The following SMOC1 variants were observed in gnomAD, a reference collection of about 807,000 sequenced individuals.
The protein encoded by SMOC1 is SPARC related modular calcium binding 1, also known as SPARC-related modular calcium-binding protein 1.
Under a neutral mutation model 56.3 loss-of-function variants are expected in SMOC1, and 22 were observed. That is an observed-to-expected ratio of 0.39 (90% confidence interval 0.28 to 0.56). The LOEUF is 0.56. Among genes scored for constraint, SMOC1 ranks in the 20% least tolerant of loss-of-function variants. The pLI is 0.61. For missense variants in SMOC1, 509 were observed against 565.4 expected (o/e 0.90, Z 1.01); for synonymous variants, 193 against 215.0 (o/e 0.90, Z 0.89).
chr14:70,006,481 AAG>A (rs1885151802), intron 7 of SMOC1, among the ~76,000 whole-genome samples: 1 of 152,108 alleles, frequency 6.6e-6, no homozygotes. Flanking sequence ...ACCTCTAGAG[AAG>A]CCCTTCAAGA....
intron 7 of SMOC1, among the ~76,000 whole-genome samples, chr14:70,008,080 C>A (rs965503865): frequency 3.3e-5 from 5 of 151,800 alleles, no homozygotes; most frequent in African/African-American, 1.2e-4. Context: ...CTTTTGCTAT[C>A]CCCCATTTTT....
At chr14:69,895,985 C>T (rs1209834647) in intron 1 of SMOC1, among the ~76,000 whole-genome samples, 2 of 151,540 alleles carry the variant, frequency 1.3e-5, no homozygotes, top group South Asian at 2.1e-4. Context: ...GTAGCTTGAA[C>T]TAAGATGTGC....
chr14:69,880,028 T>C lies in SMOC1; in HGVS notation c.99+251T>C, dbSNP rs568221146. Among the ~76,000 whole-genome samples the C allele has an allele frequency of 3.9e-4, 60 of 152,242 alleles. 4 individuals are homozygous for C. In the South Asian group the frequency reaches 0.012, roughly 32 times the overall value. On this transcript the variant is annotated intron_variant, in intron 1 of 11. Coordinates refer to ENST00000361956, the MANE Select transcript of SMOC1 (RefSeq NM_001034852.3). The stretch of plus-strand genomic sequence containing the variant: ...CGAACTGTCACTGGTGGGTTTTCTT[T>C]CCCAATCTCTTCTCTCCTGCATTTT...
rs1883072424 is a variant in SMOC1 at position 69,953,332 on chromosome 14, A to T, written c.266-88A>T. ...GTTAGTTGTGTGTGGGCTCCCGCACAGGTGGAGTGGTTTTCTCAGCCATTT... is the reference window on the plus strand; with the variant it reads ...GTTAGTTGTGTGTGGGCTCCCGCACTGGTGGAGTGGTTTTCTCAGCCATTT... On this transcript the variant is annotated intron_variant, in intron 2 of 11. Transcript: ENST00000361956. 2.5e-6 allele frequency: 3 copies of T among 1,222,948 alleles called. No individual in the cohort carries two copies. In the East Asian group the frequency reaches 7.0e-5, roughly 28 times the overall value. The allele number at this position is 1,222,948 out of a possible 1,614,324, so 75.8% of individuals were successfully genotyped here.
chr14:70,030,568 G>A lies in SMOC1; in HGVS notation c.*310G>A, dbSNP rs1489574533. On this transcript the variant is annotated 3_prime_UTR_variant, in exon 12 of 12. Coordinates refer to ENST00000361956, the MANE Select transcript of SMOC1 (RefSeq NM_001034852.3). ...GGGGGGGTGGGGGAGGGTGTTGTTG[G>A]GGCTGAGAAGAAAGAGATTTATATG... 2 of 422,900 alleles carry A rather than the reference G, an allele frequency of 4.7e-6. No homozygotes were observed. Among genetic ancestry groups the A allele is most frequent in the Non-Finnish European group, 8.3e-6 (2 of 240,832 alleles). The allele number at this position is 422,900 out of a possible 1,614,324, so 26.2% of individuals were successfully genotyped here.
chr14:69,911,187 A>G (rs1884547155), intron 1 of SMOC1, among the ~76,000 whole-genome samples: 1 of 152,140 alleles, frequency 6.6e-6, no homozygotes, highest in Non-Finnish European at 1.5e-5. Context: ...ATTTGGATGG[A>G]GAATCCTCTC....
intron 5 of SMOC1, among the ~76,000 whole-genome samples, chr14:69,990,772 C>T (rs1049294627): frequency 6.6e-6 from 1 of 152,224 alleles, no homozygotes; most frequent in Non-Finnish European, 1.5e-5. Flanking sequence ...AGATACTCTT[C>T]TCTTCCTGCT....
chr14:69,962,844 T>C (rs1282642561), intron 3 of SMOC1, among the ~76,000 whole-genome samples: 1 of 152,222 alleles, frequency 6.6e-6, no homozygotes, highest in African/African-American at 2.4e-5. Flanking sequence ...CCGAAAGTGC[T>C]GGGATTACAG....
intron 3 of SMOC1, among the ~76,000 whole-genome samples, chr14:69,954,115 A>G (rs1883105092): frequency 6.6e-6 from 1 of 152,112 alleles, no homozygotes; most frequent in Non-Finnish European, 1.5e-5. Flanking sequence ...TGGTTAGTGC[A>G]TTGTCAAAGT....
chr14:69,892,668 C>G lies in SMOC1; in HGVS notation c.99+12891C>G, dbSNP rs146479684. Among the ~76,000 whole-genome samples the G allele has an allele frequency of 1.5e-3, 222 of 152,282 alleles. 1 individual carries two copies. The highest frequency in any genetic ancestry group is 2.7e-3 in the Non-Finnish European group (182 of 68,022). Reference sequence around the variant, plus strand: ...CTACCAGTCTCCCTATTCCCTTGCTCAGATTATTTTGAAGCAAACATCTCC... The same window carrying G: ...CTACCAGTCTCCCTATTCCCTTGCTGAGATTATTTTGAAGCAAACATCTCC... On this transcript the variant is annotated intron_variant, in intron 1 of 11. Transcript: ENST00000361956.
At chr14:69,893,059 C>G (rs1377254683) in intron 1 of SMOC1, among the ~76,000 whole-genome samples, 1 of 152,168 alleles carries the variant, frequency 6.6e-6, no homozygotes, top group Non-Finnish European at 1.5e-5. Flanking sequence ...AGTTTCCGCA[C>G]TAGATTTTGC....
At chr14:69,982,386 T>C (rs903638239) in intron 5 of SMOC1, among the ~76,000 whole-genome samples, 1 of 152,232 alleles carries the variant, frequency 6.6e-6, no homozygotes. Flanking sequence ...TATTTATTTC[T>C]CCAAGGTCCC....
chr14:69,939,261 GA>G (rs1381993311), intron 1 of SMOC1, among the ~76,000 whole-genome samples: 1 of 152,180 alleles, frequency 6.6e-6, no homozygotes, highest in Non-Finnish European at 1.5e-5. Context: ...GAAGGCAAAG[GA>G]AGAACAAAGG....
chr14:70,027,516 A>G (rs116374750), intron 11 of SMOC1, among the ~76,000 whole-genome samples: 5,150 of 152,240 alleles, frequency 0.034, 172 homozygotes, highest in Middle Eastern at 0.095. Context: ...GGCAGTGCCT[A>G]TGGGATGACG....
chr14:69,911,919 A>G (rs1884565571), intron 1 of SMOC1, among the ~76,000 whole-genome samples: 1 of 152,208 alleles, frequency 6.6e-6, no homozygotes, highest in Admixed American at 6.5e-5. Context: ...ACTTTATGAG[A>G]AACTGCCACA....
chr14:69,923,436 G>A (rs937734534), intron 1 of SMOC1, among the ~76,000 whole-genome samples: 28 of 152,212 alleles, frequency 1.8e-4, no homozygotes, highest in African/African-American at 6.3e-4. Context: ...GGGGGTAATA[G>A]CATGGACCAG....
At chr14:69,932,405 C>T (rs1162801557) in intron 1 of SMOC1, among the ~76,000 whole-genome samples, 1 of 152,216 alleles carries the variant, frequency 6.6e-6, no homozygotes, top group Non-Finnish European at 1.5e-5. Context: ...CTCAGCCCCA[C>T]ATGCCTCCTC....
chr14:69,977,991 A>G, intron 5 of SMOC1, 26 bp downstream of exon 5: 1 of 1,604,236 alleles, frequency 6.2e-7, no homozygotes, highest in Middle Eastern at 1.7e-4. Flanking sequence ...TGCTTTATCT[A>G]AATGTTTGCT....
chr14:70,017,079 T>G (rs565440940), intron 10 of SMOC1, among the ~76,000 whole-genome samples: 1 of 152,290 alleles, frequency 6.6e-6, no homozygotes, highest in South Asian at 2.1e-4. Flanking sequence ...ACATAGTAGG[T>G]GCCCAGTAAA....
Sources: gnomAD v4.1 joint callset for allele counts (sites outside exome capture counted in the v4.1 genomes callset) on GRCh38, gnomAD v4.1.1 for gene constraint, MANE v1.5 for transcripts, NCBI Gene and HGNC (gene_info 2026-07-23, HGNC 2026-07-21) for gene names.